MYO1E: variants seen among roughly 807,000 people sequenced by gnomAD.
MYO1E encodes the protein myosin IE.
In MYO1E, 68 loss-of-function variants were observed where a neutral mutation model predicts 151.1. The ratio of observed to expected loss-of-function variants is 0.45; its 90% CI spans 0.37 to 0.55. MYO1E has a LOEUF of 0.55. Among genes scored for constraint, MYO1E ranks in the 20% least tolerant of loss-of-function variants. The pLI, the probability that MYO1E is intolerant of heterozygous loss-of-function variation, is 0.00. For missense variants in MYO1E, 1,363 were observed against 1,389.3 expected, an observed-to-expected ratio of 0.98 and a Z score of 0.30; for synonymous variants, 601 against 501.7, an observed-to-expected ratio of 1.20 and a Z score of -2.64.
intron 22 of MYO1E, among the ~76,000 whole-genome samples, chr15:59,165,250 C>A (rs2079557447): frequency 6.6e-6 from 1 of 152,122 alleles, no homozygotes. Context: ...TACGCGCAAA[C>A]CATGGGGGTG....
rs183502749 is a variant in MYO1E, at chr15:59,195,507, T to C, written c.1759A>G (p.Ile587Val). 4.3e-6 allele frequency: 7 copies of C among 1,614,192 alleles called. 1 individual carries two copies. The Admixed American group carries it at 8.3e-5, about 19-fold the overall frequency. The change falls in exon 17 of 28, where the codon ATC (isoleucine) becomes GTC (valine). Residue 587 changes from isoleucine to valine, a missense_variant. Physicochemically the swap from Ile to Val is conservative, Grantham distance 29 (BLOSUM62 3). Transcript: ENST00000288235. ...GGCTTCTTGGTTTCGTTTGGCTTGA[T>C]GCAGCGAATGTAGTGGGGCGTACAT... ...MKCTPHYIRC[I>V]KPNETKKPRD... is the part of the protein sequence containing the mutation.
At chr15:59,287,897 C>A (rs560393535) in intron 1 of MYO1E, among the ~76,000 whole-genome samples, 1 of 152,148 alleles carries the variant, frequency 6.6e-6, no homozygotes, top group Non-Finnish European at 1.5e-5. Context: ...TCAGAAAATG[C>A]GTGAATGAAT....
At chr15:59,213,926 G>C (rs576915596) in intron 12 of MYO1E, among the ~76,000 whole-genome samples, 1 of 152,182 alleles carries the variant, frequency 6.6e-6, no homozygotes, top group Non-Finnish European at 1.5e-5. Context: ...ACAGACAGTC[G>C]GGGCTGGAAC....
intron 12 of MYO1E, among the ~76,000 whole-genome samples, chr15:59,212,272 G>A (rs537158662): frequency 6.6e-6 from 1 of 152,064 alleles, no homozygotes; most frequent in East Asian, 2.0e-4. Context: ...GACTTAGATG[G>A]CAATGGGAGC....
chr15:59,303,455 AG>A (rs757165277), intron 1 of MYO1E, among the ~76,000 whole-genome samples: 1 of 152,024 alleles, frequency 6.6e-6, no homozygotes, highest in African/African-American at 2.4e-5. Flanking sequence ...CTTGAACCCG[AG>A]GGGCAGAAGT....
intron 26 of MYO1E, among the ~76,000 whole-genome samples, chr15:59,140,363 T>C (rs1326491726): frequency 6.6e-6 from 1 of 152,226 alleles, no homozygotes; most frequent in African/African-American, 2.4e-5. Context: ...TTATTAAATA[T>C]GTTCATAAAA....
chr15:59,239,993 A>C (rs1596380539), intron 4 of MYO1E, among the ~76,000 whole-genome samples: 1 of 152,242 alleles, frequency 6.6e-6, no homozygotes, highest in East Asian at 1.9e-4. Context: ...AATATATCCC[A>C]AATTATTTAC....
At chr15:59,193,819 G>A (rs994417231) in intron 17 of MYO1E, among the ~76,000 whole-genome samples, 17 of 152,248 alleles carry the variant, frequency 1.1e-4, no homozygotes, top group African/African-American at 3.9e-4. Context: ...TATCATTAAC[G>A]GACAATATTG....
intron 1 of MYO1E, among the ~76,000 whole-genome samples, chr15:59,292,223 T>G (rs2080423874): frequency 6.6e-6 from 1 of 152,228 alleles, no homozygotes; most frequent in Non-Finnish European, 1.5e-5. Context: ...TATGATAGTT[T>G]TACAGGATTT....
intron 16 of MYO1E, among the ~76,000 whole-genome samples, chr15:59,199,907 T>C (rs2079790680): frequency 6.6e-6 from 1 of 152,168 alleles, no homozygotes; most frequent in African/African-American, 2.4e-5. Context: ...CTTTTATTCC[T>C]ACGTGGAGGC....
At chr15:59,314,843 T>C (rs780678424) in intron 1 of MYO1E, among the ~76,000 whole-genome samples, 1 of 152,166 alleles carries the variant, frequency 6.6e-6, no homozygotes, top group Non-Finnish European at 1.5e-5. Flanking sequence ...CTTAGGTGAC[T>C]GCTGGAGGTA....
chr15:59,183,602 C>G (rs1431124762), intron 18 of MYO1E, among the ~76,000 whole-genome samples: 1 of 152,064 alleles, frequency 6.6e-6, no homozygotes, highest in East Asian at 1.9e-4. Flanking sequence ...TGTTTTGATA[C>G]AGGCATGCAA....
intron 2 of MYO1E, among the ~76,000 whole-genome samples, chr15:59,269,673 T>G (rs1463110159): frequency 7.9e-5 from 12 of 151,702 alleles, no homozygotes; most frequent in African/African-American, 2.9e-4. Flanking sequence ...CCGGCCAACA[T>G]GGTGAATGAA....
At chr15:59,372,381 C>A in intron 1 of MYO1E, 117 bp downstream of exon 1, 2 of 1,290,056 alleles carry the variant, frequency 1.6e-6, no homozygotes, top group South Asian at 2.5e-5. Flanking sequence ...TGCCGGCTCC[C>A]GCGTCCACCT....
chr15:59,211,640 A>T (rs1480936586), intron 12 of MYO1E, among the ~76,000 whole-genome samples: 1 of 152,148 alleles, frequency 6.6e-6, no homozygotes, highest in African/African-American at 2.4e-5. Flanking sequence ...CTCTGATTCC[A>T]TATTTCCCGT....
At chr15:59,148,241 T>C (rs6494070) in intron 26 of MYO1E, among the ~76,000 whole-genome samples, 1,569 of 152,092 alleles carry the variant, frequency 0.01, 32 homozygotes, top group African/African-American at 0.036. Context: ...GCTCAGTAAA[T>C]ATTGATGAAT....
chr15:59,172,995 A>G (rs1181978401), intron 21 of MYO1E, among the ~76,000 whole-genome samples: 2 of 152,258 alleles, frequency 1.3e-5, no homozygotes, highest in Non-Finnish European at 2.9e-5. Flanking sequence ...GCCCCTGGCA[A>G]AAAGCCAAAA....
intron 8 of MYO1E, among the ~76,000 whole-genome samples, chr15:59,223,786 C>T (rs1241817714): frequency 6.6e-6 from 1 of 152,124 alleles, no homozygotes; most frequent in East Asian, 1.9e-4. Context: ...CAATAAATAC[C>T]GCTAAAATGT....
At chr15:59,176,672 G>A (rs992315124) in intron 19 of MYO1E, among the ~76,000 whole-genome samples, 5 of 152,152 alleles carry the variant, frequency 3.3e-5, no homozygotes, top group African/African-American at 1.2e-4. Flanking sequence ...GACTTGCCCA[G>A]TCTTGAACTC....
Sources: allele counts gnomAD v4.1 joint callset (sites outside exome capture counted in the v4.1 genomes callset), GRCh38; gene constraint gnomAD v4.1.1; transcripts MANE v1.5; gene names NCBI Gene and HGNC (gene_info 2026-07-23, HGNC 2026-07-21).